The following LDB2 variants were observed in gnomAD, a reference collection of about 807,000 sequenced individuals.
The protein encoded by LDB2 is LIM domain-binding protein 2.
In LDB2, 12 loss-of-function variants were observed where a neutral mutation model predicts 44.3. The ratio of observed to expected loss-of-function variants is 0.27; its 90% CI spans 0.17 to 0.44. The LOEUF (loss-of-function observed/expected upper bound fraction) is 0.44, where lower values mean the gene tolerates loss of function less well. Among genes scored for constraint, LDB2 ranks in the 20% least tolerant of loss-of-function variants. The pLI, the probability that LDB2 is intolerant of heterozygous loss-of-function variation, is 1.00. For synonymous variants in LDB2, 164 were observed against 174.8 expected (o/e 0.94, Z 0.49); for missense variants, 344 against 473.5 (o/e 0.73, Z 2.54).
At chr4:16,701,114 C>A (rs773011261) in intron 2 of LDB2, among the ~76,000 whole-genome samples, 1 of 152,184 alleles carries the variant, frequency 6.6e-6, no homozygotes, top group Non-Finnish European at 1.5e-5. Context: ...AGAATTCAAA[C>A]CTTCTTCTTA....
chr4:16,816,207 A>G (rs1389332581), intron 1 of LDB2, among the ~76,000 whole-genome samples: 1 of 152,150 alleles, frequency 6.6e-6, no homozygotes, highest in Non-Finnish European at 1.5e-5. Context: ...TCTGTCTCCA[A>G]AAGATAAAAA....
At chr4:16,597,251 A>G (rs371986674) in intron 2 of LDB2, among the ~76,000 whole-genome samples, 27 of 152,328 alleles carry the variant, frequency 1.8e-4, no homozygotes, top group African/African-American at 5.8e-4. Flanking sequence ...AATAATTTAC[A>G]CAGTTGTTAT....
At chr4:16,529,100 C>T (rs1729240176) in intron 5 of LDB2, among the ~76,000 whole-genome samples, 2 of 152,184 alleles carry the variant, frequency 1.3e-5, no homozygotes, top group South Asian at 4.2e-4. Context: ...AGGCACTGGG[C>T]TCAGTGCCTT....
At chr4:16,870,318 G>C (rs997526672) in intron 1 of LDB2, among the ~76,000 whole-genome samples, 1 of 152,196 alleles carries the variant, frequency 6.6e-6, no homozygotes, top group African/African-American at 2.4e-5. Flanking sequence ...GAGATGGTTA[G>C]AATTGGAAGG....
chr4:16,547,277 G>A (rs940539385), intron 5 of LDB2, among the ~76,000 whole-genome samples: 3 of 152,150 alleles, frequency 2.0e-5, no homozygotes, highest in Admixed American at 2.0e-4. Context: ...CAAGTTAAGA[G>A]GATTTCTTAG....
intron 5 of LDB2, among the ~76,000 whole-genome samples, chr4:16,524,734 A>G (rs1314967776): frequency 6.6e-6 from 1 of 152,186 alleles, no homozygotes; most frequent in East Asian, 1.9e-4. Context: ...TTGCTCTTTC[A>G]TCCGTGTTTC....
At chr4:16,739,618 ACATGTGTGTG>A (rs1214008619) in intron 2 of LDB2, among the ~76,000 whole-genome samples, 960 of 73,440 alleles carry the variant, frequency 0.013, 114 homozygotes, top group African/African-American at 0.044. Flanking sequence ...ATGTATATAT[ACATGTGTGTG>A]TATATATGTA....
At chr4:16,580,207 G>A (rs1713815016) in intron 5 of LDB2, among the ~76,000 whole-genome samples, 1 of 152,140 alleles carries the variant, frequency 6.6e-6, no homozygotes, top group South Asian at 2.1e-4. Context: ...TACTAGCTGG[G>A]GAAGGGGCAT....
intron 1 of LDB2, among the ~76,000 whole-genome samples, chr4:16,862,934 G>A (rs1426819402): frequency 1.3e-5 from 2 of 152,164 alleles, no homozygotes; most frequent in Non-Finnish European, 1.5e-5. Flanking sequence ...GGAAGAGGAC[G>A]AGGAAAGGAA....
Position 16,759,228 on chromosome 4 carries a change from G to A in LDB2, c.165C>T (p.Ala55=), listed in dbSNP as rs1767347542. Residue 55 remains alanine, a synonymous_variant, in exon 2 of 8, where the codon GCC becomes GCT. Coordinates refer to ENST00000304523, the MANE Select transcript of LDB2 (RefSeq NM_001290.5). ...TGGCGTCATCTTCAAAAAATTCAGT[G>A]GCAAAGGCGTCCCACCAGAGGTTGT... is the stretch of plus-strand genomic sequence containing the variant. ...DSDNLWWDAF[A]TEFFEDDATL... The A allele has an allele frequency of 1.2e-6, 2 of 1,613,858 alleles. No individual in the cohort carries two copies. Among genetic ancestry groups the A allele is most frequent in the Admixed American group, 1.7e-5 (1 of 60,018 alleles).
intron 1 of LDB2, among the ~76,000 whole-genome samples, chr4:16,772,916 G>GT (rs1265497783): frequency 6.6e-6 from 1 of 152,230 alleles, no homozygotes; most frequent in African/African-American, 2.4e-5. Context: ...AAACAGAACA[G>GT]TGGGACAGAA....
intron 1 of LDB2, among the ~76,000 whole-genome samples, chr4:16,872,444 G>A (rs1037528270): frequency 6.6e-6 from 1 of 151,948 alleles, no homozygotes; most frequent in Non-Finnish European, 1.5e-5. Flanking sequence ...TTAATGCTAT[G>A]GCATATATAT....
intron 2 of LDB2, among the ~76,000 whole-genome samples, chr4:16,628,317 G>A (rs1184407881): frequency 6.6e-6 from 1 of 152,064 alleles, no homozygotes. Context: ...TGCCCCAAAA[G>A]CTCCCAACAG....
At chr4:16,711,946 G>A (rs180923983) in intron 2 of LDB2, among the ~76,000 whole-genome samples, 1 of 152,168 alleles carries the variant, frequency 6.6e-6, no homozygotes, top group Admixed American at 6.5e-5. Flanking sequence ...AATTTAAAGT[G>A]GATCAGAAAC....
chr4:16,627,366 T>C (rs1730555664), intron 2 of LDB2, among the ~76,000 whole-genome samples: 2 of 152,308 alleles, frequency 1.3e-5, no homozygotes, highest in South Asian at 4.2e-4. Flanking sequence ...TTATAAATGT[T>C]AAAAACATTA....
intron 1 of LDB2, among the ~76,000 whole-genome samples, chr4:16,892,287 A>G (rs531087839): frequency 1.4e-4 from 21 of 151,320 alleles, no homozygotes; most frequent in African/African-American, 4.9e-4. Context: ...AATCATGTTT[A>G]TATTTCCAGG....
intron 2 of LDB2, among the ~76,000 whole-genome samples, chr4:16,632,809 A>C (rs892836926): frequency 6.6e-6 from 1 of 152,216 alleles, no homozygotes; most frequent in Non-Finnish European, 1.5e-5. Context: ...GAGGATGTGG[A>C]GAAATAGGAA....
At chr4:16,737,444 A>G (rs1398350362) in intron 2 of LDB2, among the ~76,000 whole-genome samples, 2 of 152,116 alleles carry the variant, frequency 1.3e-5, no homozygotes, top group African/African-American at 4.8e-5. Context: ...TTCTTTTGTG[A>G]ATTTATTCTA....
At chr4:16,746,711 C>T (rs1178360692) in intron 2 of LDB2, among the ~76,000 whole-genome samples, 1 of 152,164 alleles carries the variant, frequency 6.6e-6, no homozygotes, top group Non-Finnish European at 1.5e-5. Flanking sequence ...CACTTGAACC[C>T]AGGAGGCGGA....
Sources: allele counts gnomAD v4.1 joint callset (sites outside exome capture counted in the v4.1 genomes callset), GRCh38; gene constraint gnomAD v4.1.1; transcripts MANE v1.5; gene names NCBI Gene and HGNC (gene_info 2026-07-23, HGNC 2026-07-21).